PTPN22: variants seen among roughly 807,000 people sequenced by gnomAD.
PTPN22 encodes tyrosine-protein phosphatase non-receptor type 22.
Under a neutral mutation model 103.3 loss-of-function variants are expected in PTPN22, and 85 were observed. The ratio of observed to expected loss-of-function variants is 0.82; its 90% CI spans 0.69 to 0.99. The LOEUF (loss-of-function observed/expected upper bound fraction) is 0.99, where lower values mean the gene tolerates loss of function less well. Ranked by LOEUF, PTPN22 falls within the 50% of genes least tolerant of loss-of-function variation. The pLI is 0.00. For missense variants in PTPN22, 865 were observed against 936.9 expected, an observed-to-expected ratio of 0.92 and a Z score of 1.00; for synonymous variants, 323 against 310.2, an observed-to-expected ratio of 1.04 and a Z score of -0.43.
chr1:113,869,794 G>A (rs1048820955), intron 1 of PTPN22, among the ~76,000 whole-genome samples: 6 of 152,134 alleles, frequency 3.9e-5, no homozygotes, highest in African/African-American at 1.4e-4. Flanking sequence ...CCTTGGCTTA[G>A]GAATTATAGT....
intron 1 of PTPN22, among the ~76,000 whole-genome samples, chr1:113,869,877 G>A (rs564075354): frequency 6.6e-6 from 1 of 152,166 alleles, no homozygotes; most frequent in East Asian, 1.9e-4. Flanking sequence ...TCTACCAGAG[G>A]GGCTCAGACT....
intron 19 of PTPN22, among the ~76,000 whole-genome samples, chr1:113,822,888 G>C (rs1055891666): frequency 2.0e-5 from 3 of 152,168 alleles, no homozygotes; most frequent in African/African-American, 2.4e-5. Flanking sequence ...GAACCTGGGA[G>C]GGGGAGGTTG....
chr1:113,845,205 T>G (rs868335500), intron 11 of PTPN22, among the ~76,000 whole-genome samples: 18 of 151,134 alleles, frequency 1.2e-4, no homozygotes, highest in South Asian at 2.1e-4. Context: ...TTTTTGTTTT[T>G]TTTTTTTTTG....
chr1:113,856,082 C>T (rs559496287), intron 7 of PTPN22, among the ~76,000 whole-genome samples: 28 of 152,310 alleles, frequency 1.8e-4, no homozygotes, highest in Admixed American at 8.5e-4. Context: ...GGCACCATCT[C>T]GGTTCACTGC....
intron 9 of PTPN22, among the ~76,000 whole-genome samples, chr1:113,853,327 G>A (rs185472947): frequency 6.6e-6 from 1 of 150,784 alleles, no homozygotes; most frequent in East Asian, 1.9e-4. Flanking sequence ...AGCCACATAT[G>A]TGATTTTAAA....
At chr1:113,832,965 G>T in intron 16 of PTPN22, 146 bp downstream of exon 16, 3 of 782,374 alleles carry the variant, frequency 3.8e-6, no homozygotes, top group Admixed American at 3.2e-5. Context: ...AAAATTTCTA[G>T]TCTGGGAAAG....
chr1:113,855,081 G>A (rs1291059479), intron 7 of PTPN22, 32 bp from the exon 8 acceptor site: 2 of 1,574,744 alleles, frequency 1.3e-6, no homozygotes, highest in African/African-American at 1.4e-5. Flanking sequence ...GAGGGGAAGA[G>A]GGGCAAGGGC....
At chr1:113,835,671 C>T (rs1662941379) in intron 13 of PTPN22, among the ~76,000 whole-genome samples, 1 of 151,954 alleles carries the variant, frequency 6.6e-6, no homozygotes, top group African/African-American at 2.4e-5. Context: ...TATAATAAAA[C>T]ATTATAAAGT....
intron 11 of PTPN22, among the ~76,000 whole-genome samples, chr1:113,846,045 T>A (rs1203614033): frequency 6.6e-6 from 1 of 152,242 alleles, no homozygotes; most frequent in Non-Finnish European, 1.5e-5. Flanking sequence ...AACATATAGT[T>A]GAATTGTTTT....
chr1:113,830,723 G>T (rs1256891398), intron 16 of PTPN22, among the ~76,000 whole-genome samples: 1 of 152,132 alleles, frequency 6.6e-6, no homozygotes, highest in East Asian at 1.9e-4. Flanking sequence ...TTTCCATGAT[G>T]AAGATTTTCA....
chr1:113,858,651 T>G (rs1665292479), intron 3 of PTPN22, 78 bp from the exon 4 acceptor site: 1 of 1,002,016 alleles, frequency 1.0e-6, no homozygotes, highest in African/African-American at 1.7e-5. Flanking sequence ...TCCTTTTTTT[T>G]TTTTTTTTGA....
chr1:113,814,927 G>A, exon 21 of PTPN22: 1 of 1,609,020 alleles, frequency 6.2e-7, no homozygotes, highest in Non-Finnish European at 8.5e-7. Flanking sequence ...AGTTGGTGGT[G>A]GATTCCTTGG....
intron 10 of PTPN22, among the ~76,000 whole-genome samples, chr1:113,849,277 G>C (rs1252895136): frequency 6.6e-6 from 1 of 152,090 alleles, no homozygotes; most frequent in Admixed American, 6.6e-5. Flanking sequence ...CACTAAATAA[G>C]GTTTTGAAAT....
chr1:113,857,872 T>C, intron 4 of PTPN22, 96 bp from the exon 5 acceptor site: 1 of 1,145,982 alleles, frequency 8.7e-7, no homozygotes, highest in Non-Finnish European at 1.2e-6. Context: ...TTAACCGTTC[T>C]TTTTTCTGTT....
At chr1:113,822,696 T>C (rs998947248) in intron 19 of PTPN22, among the ~76,000 whole-genome samples, 2 of 152,174 alleles carry the variant, frequency 1.3e-5, no homozygotes, top group African/African-American at 4.8e-5. Flanking sequence ...GCACAGTGGC[T>C]CACAGCTGTA....
chr1:113,827,752 T>G (rs1195627562), intron 18 of PTPN22, among the ~76,000 whole-genome samples: 1 of 152,092 alleles, frequency 6.6e-6, no homozygotes, highest in African/African-American at 2.4e-5. Flanking sequence ...GGAGGATCGC[T>G]TGAGTCTAGA....
At chr1:113,870,109 A>T (rs905937746) in intron 1 of PTPN22, among the ~76,000 whole-genome samples, 7 of 152,184 alleles carry the variant, frequency 4.6e-5, no homozygotes, top group African/African-American at 1.2e-4. Flanking sequence ...TAGTGCTTAG[A>T]ACTGAACTTG....
chr1:113,846,886 T>C (rs1664104332), intron 11 of PTPN22, among the ~76,000 whole-genome samples: 1 of 152,122 alleles, frequency 6.6e-6, no homozygotes, highest in South Asian at 2.1e-4. Flanking sequence ...TCTAAAACTT[T>C]TTTGTCGTTT....
intron 18 of PTPN22, among the ~76,000 whole-genome samples, chr1:113,826,873 T>G (rs1662123830): frequency 6.6e-6 from 1 of 151,032 alleles, no homozygotes; most frequent in South Asian, 2.1e-4. Context: ...GTTTCACCGT[T>G]TTAGCCGGGA....
Sources: allele counts gnomAD v4.1 joint callset (sites outside exome capture counted in the v4.1 genomes callset), GRCh38; gene constraint gnomAD v4.1.1; transcripts MANE v1.5; gene names NCBI Gene and HGNC (gene_info 2026-07-23, HGNC 2026-07-21).